COL15A1: variants seen among roughly 807,000 people sequenced by gnomAD.
COL15A1 encodes collagen type XV alpha 1 chain, also known as collagen alpha-1(XV) chain.
Under a neutral mutation model 165.9 loss-of-function variants are expected in COL15A1, and 111 were observed. The observed-to-expected ratio is 0.67, with a 90% CI of 0.57 to 0.78. The LOEUF (loss-of-function observed/expected upper bound fraction) is 0.78. Ranked by LOEUF, COL15A1 falls within the 30% of genes least tolerant of loss-of-function variation. The pLI is 0.00. For missense variants in COL15A1, 1,745 were observed against 1,789.7 expected (o/e 0.98, Z 0.45); for synonymous variants, 659 against 674.8 (o/e 0.98, Z 0.36).
intron 8 of COL15A1, among the ~76,000 whole-genome samples, chr9:99,004,688 C>T (rs958542312): frequency 1.3e-5 from 2 of 152,108 alleles, no homozygotes; most frequent in African/African-American, 2.4e-5. Flanking sequence ...GCACACCACA[C>T]GGGTGGGATG....
intron 2 of COL15A1, among the ~76,000 whole-genome samples, chr9:98,981,432 G>C (rs78523793): frequency 0.015 from 2,245 of 152,074 alleles, 132 homozygotes; most frequent in East Asian, 0.097. Context: ...ACTCCAGCCT[G>C]GTCAACAAGA....
At chr9:99,035,464 A>G (rs1048538526) in intron 19 of COL15A1, 46 bp downstream of exon 19, 5 of 1,606,396 alleles carry the variant, frequency 3.1e-6, no homozygotes, top group African/African-American at 2.7e-5. Flanking sequence ...TCACACTGTC[A>G]CACTACAGTG....
chr9:99,004,543 T>C (rs1838722864), intron 8 of COL15A1, among the ~76,000 whole-genome samples: 2 of 151,602 alleles, frequency 1.3e-5, no homozygotes, highest in African/African-American at 4.9e-5. Context: ...AGCTGTGGAG[T>C]CTGAGGACCT....
intron 34 of COL15A1, among the ~76,000 whole-genome samples, chr9:99,055,627 A>G (rs1825710649): frequency 6.6e-6 from 1 of 152,224 alleles, no homozygotes; most frequent in African/African-American, 2.4e-5. Flanking sequence ...TATTCATGAC[A>G]TTGGTGGAAA....
At chr9:98,973,120 G>C (rs930805531) in intron 2 of COL15A1, among the ~76,000 whole-genome samples, 2 of 152,220 alleles carry the variant, frequency 1.3e-5, no homozygotes, top group Non-Finnish European at 2.9e-5. Context: ...GTGCTTTTCA[G>C]CTGCTGGCCA....
At chr9:98,964,122 TG>T (rs1202310486) in intron 2 of COL15A1, among the ~76,000 whole-genome samples, 1 of 152,258 alleles carries the variant, frequency 6.6e-6, no homozygotes, top group Non-Finnish European at 1.5e-5. Context: ...CAAGTTTCTC[TG>T]GCATCAAATT....
chr9:99,070,269 G>T lies in COL15A1; in HGVS notation c.*383G>T. On this transcript the variant is annotated 3_prime_UTR_variant, in exon 42 of 42. Transcript: ENST00000375001. The stretch of plus-strand genomic sequence containing the variant: ...GATGTCCTTCATGTTTTCTTATAAA[G>T]TCAGTGTTTAGAAATGTTACCCTTT... 4.6e-6 allele frequency: 1 copy of T among 217,784 alleles called. No individual in the cohort carries two copies. Among genetic ancestry groups the T allele is most frequent in the Non-Finnish European group, 9.3e-6 (1 of 107,362 alleles). 13.5% of individuals were successfully genotyped at this position (217,784 alleles called of 1,614,324 possible).
intron 35 of COL15A1, among the ~76,000 whole-genome samples, chr9:99,058,440 G>A (rs1825760559): frequency 6.6e-6 from 1 of 152,174 alleles, no homozygotes; most frequent in Non-Finnish European, 1.5e-5. Flanking sequence ...CGAGTGTATG[G>A]AACCACAGGT....
Position 98,985,888 on chromosome 9 carries a change from G to C in COL15A1, c.424G>C (p.Gly142Arg). 6.2e-7 allele frequency: 1 copy of C among 1,613,930 alleles called. No homozygotes were observed. The highest frequency in any genetic ancestry group is 2.2e-5 in the East Asian group (1 of 44,872). The change falls in exon 3 of 42, where the codon GGC (glycine) becomes CGC (arginine). Residue 142 changes from glycine to arginine, a missense_variant. By Grantham distance (125) the Gly-to-Arg change is moderately radical. Coordinates refer to ENST00000375001, the MANE Select transcript of COL15A1 (RefSeq NM_001855.5). ...QRIILYYTEP[G>R]SHVSQEAAAF... is the part of the protein sequence containing the mutation. ...GATCATCCTCTACTACACGGAGCCA[G>C]GCTCCCATGTGTCCCAAGAGGCTGC...
chr9:99,043,014 A>G (rs1839436978), intron 24 of COL15A1, among the ~76,000 whole-genome samples: 1 of 152,176 alleles, frequency 6.6e-6, no homozygotes, highest in Admixed American at 6.5e-5. Context: ...CAAAGAGCTA[A>G]CAGAGCACAT....
At position 99,006,100 on chromosome 9, in the gene COL15A1, C is replaced by A. The variant is rs549624202; in HGVS notation, c.1353+1050C>A. Among the ~76,000 whole-genome samples, 383 of 152,330 alleles carry A rather than the reference C, an allele frequency of 2.5e-3. 1 individual carries two copies. Among genetic ancestry groups the A allele is most frequent in the African/African-American group, 8.7e-3 (361 of 41,566 alleles). ...CCTCTTCTCTCTGCTGAGAACCTTT[C>A]TCCCTTCTCTCCTCCTTTTAATTCT... On this transcript the variant is annotated intron_variant, in intron 9 of 41. Transcript: ENST00000375001.
intron 16 of COL15A1, among the ~76,000 whole-genome samples, chr9:99,031,751 T>C (rs1325359241): frequency 2.0e-5 from 3 of 152,198 alleles, no homozygotes; most frequent in Non-Finnish European, 4.4e-5. Flanking sequence ...ACAACTCTAC[T>C]TCAAGCATTT....
chr9:99,066,362 C>T (rs925586487), intron 39 of COL15A1, among the ~76,000 whole-genome samples: 4 of 152,194 alleles, frequency 2.6e-5, no homozygotes, highest in Non-Finnish European at 2.9e-5. Flanking sequence ...GTCATAGGTG[C>T]CATACCCTTC....
rs189373775 is a variant in COL15A1 at position 98,976,752 on chromosome 9, C to T, written c.101-8813C>T. On this transcript the variant is annotated intron_variant, in intron 2 of 41. Coordinates refer to ENST00000375001, the MANE Select transcript of COL15A1 (RefSeq NM_001855.5). Reference sequence around the variant, plus strand: ...TGTGGGGGAGACAGGGAGAAGTGGACGCCAGTTCCTACACTTAAGGAGGTT... The same window carrying T: ...TGTGGGGGAGACAGGGAGAAGTGGATGCCAGTTCCTACACTTAAGGAGGTT... Among the ~76,000 whole-genome samples, 97 of 152,268 alleles carry T rather than the reference C, an allele frequency of 6.4e-4. 1 individual carries two copies. The highest frequency in any genetic ancestry group is 2.7e-3 in the East Asian group (14 of 5,188).
chr9:99,003,164 C>A (rs1011968020), intron 7 of COL15A1, among the ~76,000 whole-genome samples: 3 of 152,336 alleles, frequency 2.0e-5, no homozygotes, highest in Admixed American at 6.5e-5. Flanking sequence ...CACAGGGAGG[C>A]AATGGGTTTC....
Position 99,003,472 on chromosome 9 carries a change from C to A in COL15A1, c.1085C>A (p.Ala362Glu). Reference sequence around the variant, plus strand: ...TTTCAGAATTTAGCAGCAACAGCAGCGGGGCTGGCCGAGGTGCCCATCAGC... The same window carrying A: ...TTTCAGAATTTAGCAGCAACAGCAGAGGGGCTGGCCGAGGTGCCCATCAGC... ...AEEKNLAATA[A>E]GLAEVPISTA... Residue 362 changes from alanine (A) to glutamate (E), a missense_variant, in exon 8 of 42, where the codon GCG becomes GAG. Coordinates refer to ENST00000375001, the MANE Select transcript of COL15A1 (RefSeq NM_001855.5). The A allele has an allele frequency of 6.6e-7, 1 of 1,523,702 alleles. No homozygotes were observed. Among genetic ancestry groups the A allele is most frequent in the Non-Finnish European group, 8.8e-7 (1 of 1,134,528 alleles). The allele number at this position is 1,523,702 out of a possible 1,614,324, so 94.4% of individuals were successfully genotyped here. A position where few individuals can be genotyped will look rare whatever the true frequency, so the allele number is the denominator to read the frequency against.
At position 99,020,468 on chromosome 9, in the gene COL15A1, A is replaced by G. The variant is rs745441184; in HGVS notation, c.1701+26A>G. On this transcript the variant is annotated intron_variant, in intron 12 of 41. Transcript: ENST00000375001. ...GTTTGTGCTGTGACCATCCTGGGGA[A>G]CACTTTGGCTCCTGATCAAGTGTCC... The G allele has an allele frequency of 2.6e-6, 4 of 1,553,320 alleles. No homozygotes were observed. In the Admixed American group the frequency reaches 5.0e-5, roughly 19 times the overall value.
At chr9:98,995,825 G>A (rs1210811854) in intron 5 of COL15A1, among the ~76,000 whole-genome samples, 1 of 152,158 alleles carries the variant, frequency 6.6e-6, no homozygotes, top group African/African-American at 2.4e-5. Flanking sequence ...TAAATATAAA[G>A]GTGTGCTTAG....
chr9:98,989,883 T>C (rs1467240833), intron 5 of COL15A1, among the ~76,000 whole-genome samples: 2 of 152,134 alleles, frequency 1.3e-5, no homozygotes, highest in Non-Finnish European at 2.9e-5. Context: ...GGCTGAGACA[T>C]GGAAGTGGTT....
Sources: gnomAD v4.1 joint callset for allele counts (sites outside exome capture counted in the v4.1 genomes callset) on GRCh38, gnomAD v4.1.1 for gene constraint, MANE v1.5 for transcripts, NCBI Gene and HGNC (gene_info 2026-07-23, HGNC 2026-07-21) for gene names.